PALLD: variants seen among roughly 807,000 people sequenced by gnomAD.
PALLD encodes palladin.
In PALLD, 61 loss-of-function variants were observed where a neutral mutation model predicts 123.5. The observed-to-expected ratio is 0.49, with a 90% confidence interval of 0.40 to 0.61. PALLD has a LOEUF of 0.61. Ranked by LOEUF, PALLD falls within the 20% of genes least tolerant of loss-of-function variation. PALLD has a pLI of 0.00. For synonymous variants in PALLD, 465 were observed against 496.4 expected, an observed-to-expected ratio of 0.94 and a Z score of 0.84; for missense variants, 1,273 against 1,377.0, an observed-to-expected ratio of 0.92 and a Z score of 1.20.
At chr4:168,597,381 T>TACAA (rs1176479953) in intron 2 of PALLD, among the ~76,000 whole-genome samples, 1 of 152,052 alleles carries the variant, frequency 6.6e-6, no homozygotes, top group Non-Finnish European at 1.5e-5. Flanking sequence ...AGAAAAAGAA[T>TACAA]ACAATATTAA....
chr4:168,734,882 C>T (rs1353825194), intron 10 of PALLD, among the ~76,000 whole-genome samples: 1 of 151,918 alleles, frequency 6.6e-6, no homozygotes, highest in East Asian at 1.9e-4. Context: ...TATGATGGCA[C>T]CACTGCACTC....
At chr4:168,916,365 G>A (rs1331232336) in intron 17 of PALLD, among the ~76,000 whole-genome samples, 1 of 152,046 alleles carries the variant, frequency 6.6e-6, no homozygotes, top group Non-Finnish European at 1.5e-5. Context: ...AGCTATGATC[G>A]AGCCACTGAA....
intron 3 of PALLD, among the ~76,000 whole-genome samples, chr4:168,669,395 G>A (rs1779957681): frequency 6.6e-6 from 1 of 152,050 alleles, no homozygotes; most frequent in African/African-American, 2.4e-5. Context: ...CTGAGACCCT[G>A]TCTCAAAAAA....
chr4:168,647,436 A>G (rs1196513174), intron 2 of PALLD, among the ~76,000 whole-genome samples: 1 of 152,216 alleles, frequency 6.6e-6, no homozygotes, highest in Non-Finnish European at 1.5e-5. Context: ...AAGACAAATC[A>G]TAACAGTAGA....
intron 2 of PALLD, among the ~76,000 whole-genome samples, chr4:168,620,388 G>A (rs977290216): frequency 1.3e-4 from 20 of 152,200 alleles, no homozygotes; most frequent in Non-Finnish European, 2.4e-4. Flanking sequence ...TCGGGAGGCA[G>A]AGGTTGCAGT....
intron 10 of PALLD, among the ~76,000 whole-genome samples, chr4:168,821,467 G>A (rs1470118148): frequency 6.6e-6 from 1 of 151,800 alleles, no homozygotes; most frequent in Non-Finnish European, 1.5e-5. Context: ...GTGTGTGTAT[G>A]CAGATATGGG....
At chr4:168,889,956 T>C (rs1753924246) in intron 10 of PALLD, among the ~76,000 whole-genome samples, 1 of 152,254 alleles carries the variant, frequency 6.6e-6, no homozygotes, top group African/African-American at 2.4e-5. Context: ...TATATTCTTC[T>C]GTGACTTGCT....
intron 2 of PALLD, among the ~76,000 whole-genome samples, chr4:168,641,917 T>C (rs1480544273): frequency 6.6e-6 from 1 of 152,158 alleles, no homozygotes; most frequent in East Asian, 1.9e-4. Flanking sequence ...AACCAGATAC[T>C]CCAGGAGGCG....
intron 3 of PALLD, among the ~76,000 whole-genome samples, chr4:168,679,866 G>A (rs1459015265): frequency 6.6e-6 from 1 of 152,098 alleles, no homozygotes; most frequent in Non-Finnish European, 1.5e-5. Context: ...GGGAAGACAA[G>A]AATGGATTGT....
intron 8 of PALLD, among the ~76,000 whole-genome samples, chr4:168,708,105 G>A (rs1784391493): frequency 6.6e-6 from 1 of 152,198 alleles, no homozygotes; most frequent in Non-Finnish European, 1.5e-5. Flanking sequence ...CCTTGGGCAA[G>A]TGAATTAACC....
chr4:168,615,087 C>T (rs146162427), intron 2 of PALLD, among the ~76,000 whole-genome samples: 1 of 151,594 alleles, frequency 6.6e-6, no homozygotes, highest in Middle Eastern at 3.4e-3. Context: ...CTGCTGTATA[C>T]AGGGTTTAGC....
chr4:168,757,777 A>G (rs1372098076), intron 10 of PALLD, among the ~76,000 whole-genome samples: 3 of 152,262 alleles, frequency 2.0e-5, no homozygotes, highest in African/African-American at 7.2e-5. Flanking sequence ...TTTCATAAAA[A>G]TTAACATATT....
intron 1 of PALLD, among the ~76,000 whole-genome samples, chr4:168,508,256 T>C (rs1376376868): frequency 6.6e-6 from 1 of 152,228 alleles, no homozygotes; most frequent in Non-Finnish European, 1.5e-5. Flanking sequence ...CCCATAATTA[T>C]GTATAATTAT....
chr4:168,761,812 G>GAAATATTC (rs775490702), intron 10 of PALLD, among the ~76,000 whole-genome samples: 74 of 151,912 alleles, frequency 4.9e-4, no homozygotes, highest in Non-Finnish European at 8.4e-4. Flanking sequence ...TGCCCGGCAG[G>GAAATATTC]AAATATTCTA....
At chr4:168,710,262 G>A (rs377335926) in intron 9 of PALLD, among the ~76,000 whole-genome samples, 15 of 150,686 alleles carry the variant, frequency 1.0e-4, no homozygotes, top group East Asian at 3.9e-4. Flanking sequence ...AAGGCAATAT[G>A]AAACAGCTTT....
At chr4:168,541,442 ATTT>A (rs1580215478) in intron 2 of PALLD, among the ~76,000 whole-genome samples, 1 of 141,544 alleles carries the variant, frequency 7.1e-6, no homozygotes, top group East Asian at 2.1e-4. Flanking sequence ...ACTCTCACTC[ATTT>A]TATTTATTTA....
At chr4:168,766,711 G>T (rs558606270) in intron 10 of PALLD, among the ~76,000 whole-genome samples, 2 of 152,178 alleles carry the variant, frequency 1.3e-5, no homozygotes, top group East Asian at 3.9e-4. Flanking sequence ...AACGACCTTC[G>T]GGAGAAGTCA....
chr4:168,873,707 C>T (rs1751375553), intron 10 of PALLD, among the ~76,000 whole-genome samples: 1 of 152,246 alleles, frequency 6.6e-6, no homozygotes, highest in Admixed American at 6.5e-5. Context: ...TGGCACCAGG[C>T]TTTCTGAGCC....
chr4:168,725,763 T>C (rs1786517654), intron 10 of PALLD, among the ~76,000 whole-genome samples: 1 of 152,080 alleles, frequency 6.6e-6, no homozygotes, highest in South Asian at 2.1e-4. Context: ...CCTGACCTCA[T>C]GATCCGCCCG....
Sources: gnomAD v4.1 joint callset for allele counts (sites outside exome capture counted in the v4.1 genomes callset) on GRCh38, gnomAD v4.1.1 for gene constraint, MANE v1.5 for transcripts, NCBI Gene and HGNC (gene_info 2026-07-23, HGNC 2026-07-21) for gene names.